Variants in TNRC6B observed in about 807,000 individuals in gnomAD.
TNRC6B encodes trinucleotide repeat containing adaptor 6B.
Under a neutral mutation model 203.6 loss-of-function variants are expected in TNRC6B, and 52 were observed. The ratio of observed to expected loss-of-function variants is 0.26; its 90% confidence interval spans 0.20 to 0.32. The LOEUF (loss-of-function observed/expected upper bound fraction) is 0.32. Ranked by LOEUF, TNRC6B falls within the 10% of genes least tolerant of loss-of-function variation. The pLI, the probability that TNRC6B is intolerant of heterozygous loss-of-function variation, is 1.00. For synonymous variants in TNRC6B, 838 were observed against 845.7 expected (o/e 0.99, Z 0.16); for missense variants, 1,923 against 2,286.2 (o/e 0.84, Z 3.24).
intron 11 of TNRC6B, 94 bp from the exon 12 acceptor site, chr22:40,285,551 T>G (rs1162910841): frequency 2.4e-5 from 34 of 1,435,022 alleles, no homozygotes; most frequent in Non-Finnish European, 3.1e-5. Flanking sequence ...ACACAGCCTG[T>G]GATTCTTCTG....
chr22:40,083,444 G>A (rs7292838), intron 1 of TNRC6B, among the ~76,000 whole-genome samples: 83,456 of 152,102 alleles, frequency 0.55, 26,225 homozygotes, highest in African/African-American at 0.86. Flanking sequence ...CAGAGCTTGC[G>A]TAGGAGGTGA....
At chr22:40,067,593 G>A (rs2067906696) in intron 1 of TNRC6B, among the ~76,000 whole-genome samples, 1 of 152,146 alleles carries the variant, frequency 6.6e-6, no homozygotes, top group South Asian at 2.1e-4. Context: ...AGCCAGTGGT[G>A]TAACTTTCAG....
chr22:40,191,695 C>T (rs920340313), intron 1 of TNRC6B, among the ~76,000 whole-genome samples: 1 of 152,212 alleles, frequency 6.6e-6, no homozygotes, highest in African/African-American at 2.4e-5. Flanking sequence ...GATCCTCCTG[C>T]CTCAGCCTCC....
At chr22:40,149,393 G>A (rs1347697973) in intron 3 of TNRC6B, among the ~76,000 whole-genome samples, 1 of 152,206 alleles carries the variant, frequency 6.6e-6, no homozygotes, top group Non-Finnish European at 1.5e-5. Flanking sequence ...GGATGACTGG[G>A]TGCGGTGGCT....
At chr22:40,313,433 A>T (rs553079893) in intron 19 of TNRC6B, among the ~76,000 whole-genome samples, 1 of 144,548 alleles carries the variant, frequency 6.9e-6, no homozygotes, top group African/African-American at 2.6e-5. Context: ...TGGCCAAAGG[A>T]AAAAAAAAAA....
chr22:40,119,204 T>G (rs1388335348), intron 2 of TNRC6B, among the ~76,000 whole-genome samples: 1 of 152,228 alleles, frequency 6.6e-6, no homozygotes, highest in Non-Finnish European at 1.5e-5. Context: ...GCAAGCACTG[T>G]GCCAGGTCAA....
intron 3 of TNRC6B, among the ~76,000 whole-genome samples, chr22:40,150,094 T>C (rs2068735811): frequency 6.6e-6 from 1 of 152,228 alleles, no homozygotes; most frequent in African/African-American, 2.4e-5. Flanking sequence ...TATTAATGTC[T>C]GCTGCTCCCT....
At chr22:40,078,697 A>G (rs1203727409) in intron 1 of TNRC6B, among the ~76,000 whole-genome samples, 1 of 151,908 alleles carries the variant, frequency 6.6e-6, no homozygotes, top group Non-Finnish European at 1.5e-5. Flanking sequence ...GGTTCAAGTG[A>G]TTCCCGTGCC....
At chr22:40,170,303 AATATATATTTTATATATATT>A (rs1210548324) in intron 4 of TNRC6B, among the ~76,000 whole-genome samples, 3 of 117,824 alleles carry the variant, frequency 2.5e-5, no homozygotes, top group Admixed American at 1.1e-4. Flanking sequence ...ATATATATAT[AATATATATTTTATATATATT>A]ATATATATTA....
rs1182424994 is a variant in TNRC6B at position 40,132,966 on chromosome 22, A to AT, written c.45+7104_45+7105insT. Among the ~76,000 whole-genome samples, 1,081 of 117,708 alleles carry AT rather than the reference A, an allele frequency of 9.2e-3. 53 individuals carry two copies. Among genetic ancestry groups the AT allele is most frequent in the Middle Eastern group, 0.046 (12 of 260 alleles). The allele number at this position is 117,708 out of a possible 152,430, so 77.2% of individuals were successfully genotyped here. A position where few individuals can be genotyped will look rare whatever the true frequency, so the allele number is the denominator to read the frequency against. On this transcript the variant is annotated intron_variant, in intron 3 of 23. Coordinates refer to the TNRC6B transcript ENST00000301923. ...CTCAAAAAAAAAAAAAAAAAAAAAA[A>AT]AAAATATATATATATATATATATAT...
chr22:40,125,802 C>T (rs2068486990), exon 3 of TNRC6B: 3 of 1,609,402 alleles, frequency 1.9e-6, no homozygotes, highest in Non-Finnish European at 8.5e-7. Context: ...CAGAGTTTTG[C>T]ACAAAATCTG....
At chr22:40,162,389 C>G (rs1461149803) in intron 4 of TNRC6B, among the ~76,000 whole-genome samples, 2 of 152,074 alleles carry the variant, frequency 1.3e-5, no homozygotes, top group Admixed American at 1.3e-4. Context: ...CCACCGCACC[C>G]GGTTTTATTA....
chr22:40,100,992 A>C (rs1277907119), intron 1 of TNRC6B, among the ~76,000 whole-genome samples: 1 of 146,214 alleles, frequency 6.8e-6, no homozygotes, highest in African/African-American at 2.5e-5. Flanking sequence ...TCTCTTCAGC[A>C]TTTTTTTTTT....
Position 40,301,145 on chromosome 22 carries a change from C to G in TNRC6B, c.3937-5C>G. ...TATCACGTGTCTGTCTCTCTTGGCC[C>G]TCAGCTGGCTCGAATGGTGAGTGCA... On this transcript the variant is annotated splice_region_variant and splice_polypyrimidine_tract_variant and intron_variant, in intron 14 of 22. Coordinates refer to ENST00000454349, the MANE Select transcript of TNRC6B (RefSeq NM_001162501.2). The G allele has an allele frequency of 6.4e-7, 1 of 1,552,186 alleles. No individual in the cohort carries two copies. The highest frequency in any genetic ancestry group is 8.7e-7 in the Non-Finnish European group (1 of 1,147,468).
chr22:40,319,570 G>A (rs751246799), intron 21 of TNRC6B, among the ~76,000 whole-genome samples: 5 of 151,852 alleles, frequency 3.3e-5, no homozygotes, highest in Admixed American at 2.0e-4. Flanking sequence ...GACTACAGGC[G>A]CCAGCCACAA....
chr22:40,317,432 G>A (rs1275793049), intron 21 of TNRC6B, among the ~76,000 whole-genome samples: 1 of 152,260 alleles, frequency 6.6e-6, no homozygotes, highest in Admixed American at 6.5e-5. Context: ...ACACAAATTA[G>A]CTGGGCGTAG....
At chr22:40,055,134 G>T (rs2067782217) in intron 1 of TNRC6B, among the ~76,000 whole-genome samples, 1 of 152,200 alleles carries the variant, frequency 6.6e-6, no homozygotes, top group African/African-American at 2.4e-5. Flanking sequence ...TAGGAGCCAG[G>T]ACTACAGAGG....
upstream of TNRC6B, among the ~76,000 whole-genome samples, chr22:40,174,534 T>G (rs567503894): frequency 6.6e-6 from 1 of 152,320 alleles, no homozygotes; most frequent in East Asian, 1.9e-4. Context: ...CCTCCAAAGG[T>G]GCCAGCTTTG....
chr22:40,095,093 A>G (rs921814366), intron 1 of TNRC6B, among the ~76,000 whole-genome samples: 7 of 152,146 alleles, frequency 4.6e-5, no homozygotes, highest in Non-Finnish European at 7.3e-5. Flanking sequence ...CTTTACAATT[A>G]TATTACCACA....
Sources: gnomAD v4.1 joint callset for allele counts (sites outside exome capture counted in the v4.1 genomes callset) on GRCh38, gnomAD v4.1.1 for gene constraint, MANE v1.5 for transcripts, NCBI Gene and HGNC (gene_info 2026-07-23, HGNC 2026-07-21) for gene names.